IRAK1BP1: variants seen among roughly 807,000 people sequenced by gnomAD.
IRAK1BP1 encodes interleukin 1 receptor associated kinase 1 binding protein 1, also known as interleukin-1 receptor-associated kinase 1-binding protein 1.
IRAK1BP1 carries 24 observed loss-of-function variants against 28.0 expected under a neutral mutation model. The ratio of observed to expected loss-of-function variants is 0.86; its 90% CI spans 0.62 to 1.20. The LOEUF is 1.20. IRAK1BP1 is among the 50% of genes most tolerant of loss of function. The probability of loss-of-function intolerance (pLI) is 0.00; values close to 1 mark genes in which losing one functional copy is unlikely to be tolerated. For missense variants in IRAK1BP1, 336 were observed against 316.7 expected, an observed-to-expected ratio of 1.06 and a Z score of -0.46; for synonymous variants, 131 against 116.3, an observed-to-expected ratio of 1.13 and a Z score of -0.81.
chr6:78,878,942 C>G lies in IRAK1BP1; in HGVS notation c.316-6436C>G, dbSNP rs149210995. On this transcript the variant is annotated intron_variant, in intron 1 of 3. Coordinates refer to ENST00000369940, the MANE Select transcript of IRAK1BP1 (RefSeq NM_001010844.4). ...TGAATGAAATGAAGTGAGAAGTTTACAGAAAAAAGAGTAAAAATAAACGAA... is the reference window on the plus strand; with the variant it reads ...TGAATGAAATGAAGTGAGAAGTTTAGAGAAAAAAGAGTAAAAATAAACGAA... 6.4e-4 allele frequency among the ~76,000 whole-genome samples: 98 copies of G among 152,118 alleles called. 1 individual carries two copies. In the South Asian group the frequency reaches 8.1e-3, roughly 13 times the overall value.
chr6:78,893,232 G>C (rs2127651451), intron 2 of IRAK1BP1, among the ~76,000 whole-genome samples: 1 of 149,766 alleles, frequency 6.7e-6, no homozygotes, highest in South Asian at 2.1e-4. Context: ...AGCAATGCAA[G>C]CAAGGAGACA....
chr6:78,976,195 GA>G, the IRAK1BP1 span, among the ~76,000 whole-genome samples: 1 of 149,344 alleles, frequency 6.7e-6, no homozygotes, highest in Admixed American at 6.7e-5. Flanking sequence ...CAATGGAACA[GA>G]ACAGAGCCCT....
At chr6:78,937,927 AAG>A (rs1773335897) in intron 4 of IRAK1BP1, 1 of 151,682 alleles carries the variant, frequency 6.6e-6, no homozygotes, top group Non-Finnish European at 1.5e-5. Context: ...CCATGCATGT[AAG>A]AGTTATATTT....
At chr6:78,972,029 G>A in the IRAK1BP1 span, among the ~76,000 whole-genome samples, 1 of 152,118 alleles carries the variant, frequency 6.6e-6, no homozygotes, top group Non-Finnish European at 1.5e-5. Flanking sequence ...GCCCACCACA[G>A]CTCAAGGAGG....
rs370283028 is a variant in IRAK1BP1 at position 78,927,199 on chromosome 6, G to A, written c.*68-18209G>A. Among the ~76,000 whole-genome samples the A allele has an allele frequency of 5.3e-5, 8 of 151,962 alleles. No individual in the cohort carries two copies. In the East Asian group the frequency reaches 7.7e-4, roughly 15 times the overall value. ...GTGATTTCCTTTTCTCCACATCCTC[G>A]CCAACATTTGTTATTGCCTGTCTTT... is the stretch of plus-strand genomic sequence containing the variant. On this transcript the variant is annotated intron_variant and NMD_transcript_variant, in intron 4 of 4. Coordinates refer to the IRAK1BP1 transcript ENST00000606868.
intron 4 of IRAK1BP1, among the ~76,000 whole-genome samples, chr6:78,919,526 A>G (rs1165536179): frequency 6.6e-6 from 1 of 152,212 alleles, no homozygotes; most frequent in Non-Finnish European, 1.5e-5. Context: ...AACTGACCCT[A>G]CAGAAACACA....
At chr6:78,870,518 G>GA (rs893650806) in intron 1 of IRAK1BP1, among the ~76,000 whole-genome samples, 4 of 151,842 alleles carry the variant, frequency 2.6e-5, no homozygotes, top group South Asian at 2.1e-4. Flanking sequence ...ATGAATAATA[G>GA]AAAAAAAATG....
chr6:78,960,117 C>T, the IRAK1BP1 span, among the ~76,000 whole-genome samples: 3 of 152,076 alleles, frequency 2.0e-5, no homozygotes, highest in South Asian at 6.2e-4. Context: ...GATGAAAATT[C>T]AAAATTTGAA....
At chr6:78,913,145 C>T (rs139852068) in intron 4 of IRAK1BP1, among the ~76,000 whole-genome samples, 1 of 151,500 alleles carries the variant, frequency 6.6e-6, no homozygotes, top group East Asian at 2.0e-4. Context: ...ACCATCCTGG[C>T]TAACACGGTG....
chr6:78,908,168 A>G (rs1431515868), intron 4 of IRAK1BP1, among the ~76,000 whole-genome samples: 1 of 151,494 alleles, frequency 6.6e-6, no homozygotes, highest in Non-Finnish European at 1.5e-5. Flanking sequence ...CTCCTGCCTC[A>G]GCCTCCCGAG....
intron 4 of IRAK1BP1, chr6:78,937,619 A>C (rs951751729): frequency 2.6e-5 from 4 of 151,742 alleles, no homozygotes; most frequent in Non-Finnish European, 5.9e-5. Flanking sequence ...CAGTTTTATA[A>C]TAATGCCAGC....
the IRAK1BP1 span, among the ~76,000 whole-genome samples, chr6:78,973,871 T>C: frequency 6.6e-6 from 1 of 151,688 alleles, no homozygotes; most frequent in Non-Finnish European, 1.5e-5. Context: ...CCCAGATTCA[T>C]AAAGCAAGTC....
intron 4 of IRAK1BP1, among the ~76,000 whole-genome samples, chr6:78,921,386 C>A (rs1479567189): frequency 1.3e-5 from 2 of 152,206 alleles, no homozygotes; most frequent in African/African-American, 2.4e-5. Flanking sequence ...GAGGGGCGCC[C>A]ATCATTGCCA....
At chr6:78,977,414 T>C in the IRAK1BP1 span, among the ~76,000 whole-genome samples, 1 of 152,094 alleles carries the variant, frequency 6.6e-6, no homozygotes, top group Non-Finnish European at 1.5e-5. Context: ...TTGGGAGATA[T>C]ACCTAATGCT....
At chr6:78,941,287 T>G (rs1562110079) in intron 4 of IRAK1BP1, 5 of 1,613,470 alleles carry the variant, frequency 3.1e-6, no homozygotes, top group Non-Finnish European at 4.2e-6. Flanking sequence ...CATGGCCATT[T>G]ACTTGAATGG....
At chr6:78,969,956 C>T in the IRAK1BP1 span, 2 of 1,567,770 alleles carry the variant, frequency 1.3e-6, no homozygotes, top group African/African-American at 2.7e-5. Context: ...GGTCACATAC[C>T]TAAAAATACC....
rs546831872 is a variant in IRAK1BP1 at position 78,902,217 on chromosome 6, C to G, written c.*3883C>G. On this transcript the variant is annotated 3_prime_UTR_variant, in exon 4 of 4. Coordinates refer to ENST00000369940, the MANE Select transcript of IRAK1BP1 (RefSeq NM_001010844.4). ...GTGCAAGTAGCTCAATCATAGCTTA[C>G]TGCAGCCTAAAAACTCCTGGGCTGA... The G allele has an allele frequency of 1.3e-5, 2 of 152,368 alleles. No individual in the cohort carries two copies. Among genetic ancestry groups the G allele is most frequent in the East Asian group, 3.9e-4 (2 of 5,186 alleles). 9.4% of individuals were successfully genotyped at this position (152,368 alleles called of 1,614,324 possible).
rs560533327 is a variant in IRAK1BP1 at position 78,926,887 on chromosome 6, C to T, written c.*68-18521C>T. The stretch of plus-strand genomic sequence containing the variant: ...TGCAAATGGCAGGATCTTATTCTTT[C>T]GTATGGCCAAATAGTACTCCATTGT... On this transcript the variant is annotated intron_variant and NMD_transcript_variant, in intron 4 of 4. Transcript: ENST00000606868. Among the ~76,000 whole-genome samples the T allele has an allele frequency of 2.0e-4, 31 of 152,144 alleles. No individual in the cohort carries two copies. The East Asian group carries it at 5.2e-3, about 26-fold the overall frequency.
chr6:78,923,039 C>T (rs1352395604), intron 4 of IRAK1BP1, among the ~76,000 whole-genome samples: 6 of 152,118 alleles, frequency 3.9e-5, no homozygotes, highest in Non-Finnish European at 7.4e-5. Flanking sequence ...AACCAGCTAA[C>T]ATCATAATGA....
Sources: gnomAD v4.1 joint callset for allele counts (sites outside exome capture counted in the v4.1 genomes callset) on GRCh38, gnomAD v4.1.1 for gene constraint, MANE v1.5 for transcripts, NCBI Gene and HGNC (gene_info 2026-07-23, HGNC 2026-07-21) for gene names.